The following GABRG1 variants were observed in gnomAD, a reference collection of about 807,000 sequenced individuals.
The protein encoded by GABRG1 is gamma-aminobutyric acid receptor subunit gamma-1.
GABRG1 carries 49 observed loss-of-function variants against 49.8 expected under a neutral mutation model. That is an observed-to-expected ratio of 0.98 (90% CI 0.78 to 1.25). The LOEUF is 1.25. Among genes scored for constraint, GABRG1 ranks in the 50% most tolerant of loss-of-function variants. The probability of loss-of-function intolerance (pLI) is 0.00; values close to 1 mark genes in which losing one functional copy is unlikely to be tolerated. For missense variants in GABRG1, 552 were observed against 552.3 expected (o/e 1.00, Z 0.01); for synonymous variants, 232 against 185.1 (o/e 1.25, Z -2.06).
intron 8 of GABRG1, among the ~76,000 whole-genome samples, chr4:46,043,205 A>G (rs1216335298): frequency 6.6e-6 from 1 of 151,974 alleles, no homozygotes; most frequent in Non-Finnish European, 1.5e-5. Flanking sequence ...TTTTCAGAGG[A>G]TATTAGTTGT....
At chr4:46,086,393 A>G (rs916759340) in intron 2 of GABRG1, among the ~76,000 whole-genome samples, 5 of 151,686 alleles carry the variant, frequency 3.3e-5, no homozygotes, top group African/African-American at 1.2e-4. Flanking sequence ...AATATAAACT[A>G]CAATAGATTT....
Position 46,084,101 on chromosome 4 carries a change from G to A in GABRG1, c.254-48C>T, listed in dbSNP as rs199738259. The A allele has an allele frequency of 1.2e-5, 12 of 1,032,450 alleles. No individual in the cohort carries two copies. In the East Asian group the frequency reaches 2.6e-4, roughly 22 times the overall value. 64.0% of individuals were successfully genotyped at this position (1,032,450 alleles called of 1,614,324 possible). On this transcript the variant is annotated intron_variant, in intron 2 of 8. Coordinates refer to ENST00000295452, the MANE Select transcript of GABRG1 (RefSeq NM_173536.4). ...AAGGTCAAAGATATGATTAGACATTGTTTTAAATAAATCTTAGTTTTAAAG... is the reference window on the plus strand; with the variant it reads ...AAGGTCAAAGATATGATTAGACATTATTTTAAATAAATCTTAGTTTTAAAG...
At chr4:46,100,541 T>C (rs1720344883) in intron 1 of GABRG1, among the ~76,000 whole-genome samples, 1 of 151,540 alleles carries the variant, frequency 6.6e-6, no homozygotes, top group Non-Finnish European at 1.5e-5. Flanking sequence ...TTTTATTTCC[T>C]AATTAGACTT....
At chr4:46,076,423 A>T (rs1719335291) in intron 3 of GABRG1, among the ~76,000 whole-genome samples, 1 of 131,830 alleles carries the variant, frequency 7.6e-6, no homozygotes, top group African/African-American at 2.8e-5. Flanking sequence ...ACTTTTTCTT[A>T]GATATGTATG....
intron 1 of GABRG1, among the ~76,000 whole-genome samples, chr4:46,112,834 T>C (rs778651549): frequency 1.9e-4 from 28 of 151,080 alleles, no homozygotes; most frequent in Admixed American, 1.3e-3. Context: ...GGTACTATGA[T>C]TCGTATATCG....
intron 3 of GABRG1, among the ~76,000 whole-genome samples, chr4:46,079,418 AT>A (rs1304178266): frequency 5.9e-5 from 9 of 152,082 alleles, no homozygotes; most frequent in African/African-American, 2.2e-4. Flanking sequence ...GGAAGATTCT[AT>A]CTAGTTTCAG....
At chr4:46,113,302 G>A (rs1720779852) in intron 1 of GABRG1, among the ~76,000 whole-genome samples, 1 of 151,118 alleles carries the variant, frequency 6.6e-6, no homozygotes, top group Admixed American at 6.6e-5. Context: ...CAAAGGGGAA[G>A]CAAGGTACCT....
At chr4:46,100,047 T>G (rs1271108878) in intron 1 of GABRG1, among the ~76,000 whole-genome samples, 1 of 151,790 alleles carries the variant, frequency 6.6e-6, no homozygotes, top group Non-Finnish European at 1.5e-5. Flanking sequence ...TATAACCCTA[T>G]GCAGATTCCT....
At chr4:46,103,444 A>C (rs1484241634) in intron 1 of GABRG1, among the ~76,000 whole-genome samples, 1 of 151,528 alleles carries the variant, frequency 6.6e-6, no homozygotes, top group Admixed American at 6.6e-5. Context: ...TTATTTCCAC[A>C]CAGGGAAAAG....
At chr4:46,058,781 G>A (rs1433057075) in intron 5 of GABRG1, among the ~76,000 whole-genome samples, 159 bp from the exon 6 acceptor site, 1 of 152,034 alleles carries the variant, frequency 6.6e-6, no homozygotes, top group East Asian at 1.9e-4. Flanking sequence ...AATAAGCAGA[G>A]TTTAATGACT....
intron 5 of GABRG1, among the ~76,000 whole-genome samples, chr4:46,061,418 A>C (rs927365270): frequency 6.6e-6 from 1 of 152,136 alleles, no homozygotes; most frequent in Non-Finnish European, 1.5e-5. Flanking sequence ...ATGTCATATT[A>C]CACTCTACCA....
chr4:46,061,520 A>T (rs1039912201), intron 5 of GABRG1, among the ~76,000 whole-genome samples: 7 of 152,104 alleles, frequency 4.6e-5, no homozygotes, highest in African/African-American at 1.7e-4. Flanking sequence ...ACATTTTTAT[A>T]AGCCATTTTA....
chr4:46,044,643 T>C (rs1177566945), intron 8 of GABRG1, among the ~76,000 whole-genome samples: 1 of 151,892 alleles, frequency 6.6e-6, no homozygotes, highest in Non-Finnish European at 1.5e-5. Context: ...GCTCAGTAAA[T>C]GGAAACATGA....
intron 2 of GABRG1, among the ~76,000 whole-genome samples, chr4:46,088,009 A>G (rs896612996): frequency 1.3e-5 from 2 of 152,076 alleles, no homozygotes; most frequent in African/African-American, 4.8e-5. Context: ...TCTTAACCAC[A>G]CTAATCACAT....
rs964010319 is a variant in GABRG1 at position 46,038,130 on chromosome 4, T to C, written c.*2858A>G. The C allele has an allele frequency of 6.6e-6, 1 of 151,694 alleles. No individual in the cohort carries two copies. The highest frequency in any genetic ancestry group is 1.5e-5 in the Non-Finnish European group (1 of 67,704). The allele number at this position is 151,694 out of a possible 1,614,324, so 9.4% of individuals were successfully genotyped here. A position where few individuals can be genotyped will look rare whatever the true frequency, so the allele number is the denominator to read the frequency against. ...CTCCAATTAGTTATCTAATTCCCACTTACATCAAGACTTCAGACTTACTGG... is the reference window on the plus strand; with the variant it reads ...CTCCAATTAGTTATCTAATTCCCACCTACATCAAGACTTCAGACTTACTGG... On this transcript the variant is annotated 3_prime_UTR_variant, in exon 9 of 9. Transcript: ENST00000295452.
intron 1 of GABRG1, among the ~76,000 whole-genome samples, chr4:46,105,296 A>C (rs1720496724): frequency 6.6e-6 from 1 of 151,520 alleles, no homozygotes; most frequent in Non-Finnish European, 1.5e-5. Context: ...TGAAAAAGAA[A>C]AAAAGAAAAC....
Position 46,114,898 on chromosome 4 carries a change from C to T in GABRG1, c.104+8912G>A, listed in dbSNP as rs147742834. 4.0e-5 allele frequency among the ~76,000 whole-genome samples: 6 copies of T among 150,288 alleles called. No homozygotes were observed. The East Asian group carries it at 5.9e-4, about 15-fold the overall frequency. The stretch of plus-strand genomic sequence containing the variant: ...CAACATAGCATATGAAATGATTAAG[C>T]GGAACTATAACAGGGAAGGTAAATG... On this transcript the variant is annotated intron_variant, in intron 1 of 8. Coordinates refer to ENST00000295452, the MANE Select transcript of GABRG1 (RefSeq NM_173536.4).
intron 3 of GABRG1, among the ~76,000 whole-genome samples, chr4:46,077,381 T>A (rs748075823): frequency 6.6e-6 from 1 of 151,954 alleles, no homozygotes; most frequent in Non-Finnish European, 1.5e-5. Context: ...ACAGTGAGGT[T>A]AATAAAGCAT....
chr4:46,043,738 T>C (rs1717874824), intron 8 of GABRG1, among the ~76,000 whole-genome samples: 1 of 152,020 alleles, frequency 6.6e-6, no homozygotes, highest in Non-Finnish European at 1.5e-5. Context: ...AAAATCGTTT[T>C]TAAAATACAC....
Sources: allele counts gnomAD v4.1 joint callset (sites outside exome capture counted in the v4.1 genomes callset), GRCh38; gene constraint gnomAD v4.1.1; transcripts MANE v1.5; gene names NCBI Gene and HGNC (gene_info 2026-07-23, HGNC 2026-07-21).